Variants in ADRM1 observed in about 807,000 individuals in gnomAD.
ADRM1 encodes ADRM1 26S proteasome ubiquitin receptor, also known as proteasomal ubiquitin receptor ADRM1.
A neutral mutation model predicts 40.1 loss-of-function variants in ADRM1; 2 were observed. The observed-to-expected ratio is 0.05, with a 90% CI of 0.02 to 0.16. The LOEUF (loss-of-function observed/expected upper bound fraction) is 0.16, where lower values mean the gene tolerates loss of function less well. ADRM1 is among the 10% of genes least tolerant of loss of function. The probability of loss-of-function intolerance (pLI) is 1.00; values close to 1 mark genes in which losing one functional copy is unlikely to be tolerated. For missense variants in ADRM1, 467 were observed against 552.5 expected, an observed-to-expected ratio of 0.85 and a Z score of 1.55; for synonymous variants, 287 against 240.4, an observed-to-expected ratio of 1.19 and a Z score of -1.79.
chr20:62,303,869 C>T, intron 2 of ADRM1, 88 bp downstream of exon 2: 13 of 1,378,648 alleles, frequency 9.4e-6, no homozygotes, highest in East Asian at 2.4e-5. Flanking sequence ...GGGGCTTGGC[C>T]GCATCTGGGG....
chr20:62,303,109 C>T (rs2145994908), intron 1 of ADRM1, 60 bp downstream of exon 1: 1 of 149,706 alleles, frequency 6.7e-6, no homozygotes, highest in South Asian at 2.1e-4. Context: ...GCAGGGGCTG[C>T]TGGACCAAGG....
intron 3 of ADRM1, 144 bp downstream of exon 3, chr20:62,304,721 C>T (rs1984640727): frequency 1.3e-6 from 1 of 786,884 alleles, no homozygotes. Context: ...CACCTCAGGG[C>T]TGCGGTGCAT....
chr20:62,304,642 C>A, intron 3 of ADRM1, 65 bp downstream of exon 3: 1 of 1,495,728 alleles, frequency 6.7e-7, no homozygotes, highest in Non-Finnish European at 9.3e-7. Context: ...AACTTGCTTA[C>A]AGTGTGGTGC....
rs761193753 is a variant in ADRM1 at position 62,306,457 on chromosome 20, C to CT, written c.454+138dup. On this transcript the variant is annotated intron_variant, in intron 4 of 9. Transcript: ENST00000253003. ...AAAAGTTAGAGACCCTGTGAGCTCC[C>CT]TGGGTCACTCCCCACTCCCACCTTC... The CT allele has an allele frequency of 2.1e-6, 3 of 1,438,320 alleles. No homozygotes were observed. The Admixed American group carries it at 5.6e-5, about 27-fold the overall frequency. The allele number at this position is 1,438,320 out of a possible 1,614,324, so 89.1% of individuals were successfully genotyped here.
rs897669599 is a variant in ADRM1 at position 62,303,021 on chromosome 20, C to T, written c.-30C>T. ...GGAGGAAGAGCGAGCCCGGACGGCG[C>T]CTCTCGAACGAGTGTGGGCGCGAGG... is the stretch of plus-strand genomic sequence containing the variant. On this transcript the variant is annotated 5_prime_UTR_variant, in exon 1 of 10. Coordinates refer to ENST00000253003, the MANE Select transcript of ADRM1 (RefSeq NM_007002.4). 3 of 152,112 alleles carry T rather than the reference C, an allele frequency of 2.0e-5. No homozygotes were observed. Among genetic ancestry groups the T allele is most frequent in the African/African-American group, 4.8e-5 (2 of 41,438 alleles). 9.4% of individuals were successfully genotyped at this position (152,112 alleles called of 1,614,324 possible). A position where few individuals can be genotyped will look rare whatever the true frequency, so the allele number is the denominator to read the frequency against.
chr20:62,308,594 G>A (rs1051508268), intron 9 of ADRM1, 61 bp from the exon 10 acceptor site: 122 of 1,595,954 alleles, frequency 7.6e-5, no homozygotes, highest in African/African-American at 3.2e-4. Context: ...TGATCCCATC[G>A]CTTTGATCCC....
At chr20:62,303,478 C>G in intron 1 of ADRM1, 90 bp from the exon 2 acceptor site, 2 of 1,339,588 alleles carry the variant, frequency 1.5e-6, no homozygotes, top group South Asian at 2.8e-5. Context: ...GGCGCAGGCC[C>G]CCTGCTCGCA....
At chr20:62,303,902 A>G in intron 2 of ADRM1, 121 bp downstream of exon 2, 1 of 957,076 alleles carries the variant, frequency 1.0e-6, no homozygotes, top group Admixed American at 2.4e-5. Flanking sequence ...GCCGTCATCG[A>G]CTGCCCTGCT....
chr20:62,306,492 G>T, intron 4 of ADRM1, 156 bp from the exon 5 acceptor site: 1 of 1,305,900 alleles, frequency 7.7e-7, no homozygotes, highest in Non-Finnish European at 1.1e-6. Flanking sequence ...CACGGGGTAG[G>T]ACGGGTCTGC....
chr20:62,303,409 G>T lies in ADRM1; in HGVS notation c.-1-159G>T, dbSNP rs1459721868. The T allele has an allele frequency of 4.3e-5, 31 of 717,890 alleles. No individual in the cohort carries two copies. In the Admixed American group the frequency reaches 5.6e-4, roughly 13 times the overall value. 44.5% of individuals were successfully genotyped at this position (717,890 alleles called of 1,614,324 possible). ...CGAGTGCGGGCGGTGCGATCGTCGT[G>T]AGCGGGGCAAACGCGGAAAGGCAGC... is the stretch of plus-strand genomic sequence containing the variant. On this transcript the variant is annotated intron_variant, in intron 1 of 9. Transcript: ENST00000253003.
At chr20:62,305,214 C>T (rs902314524) in intron 3 of ADRM1, among the ~76,000 whole-genome samples, 4 of 152,292 alleles carry the variant, frequency 2.6e-5, no homozygotes, top group South Asian at 4.1e-4. Context: ...AAACTGGTGG[C>T]GGGCCTGTGG....
At chr20:62,308,228 A>AG (rs1287508004) in intron 8 of ADRM1, 50 bp downstream of exon 8, 2 of 1,563,426 alleles carry the variant, frequency 1.3e-6, no homozygotes, top group Non-Finnish European at 1.7e-6. Context: ...GGGAGTGGGC[A>AG]GGGGGGAGGA....
intron 6 of ADRM1, 43 bp from the exon 7 acceptor site, chr20:62,307,553 G>C (rs376542149): frequency 1.9e-6 from 3 of 1,600,980 alleles, no homozygotes; most frequent in East Asian, 2.2e-5. Context: ...AGGCCCTGCC[G>C]TGTGGGGCGT....
intron 1 of ADRM1, 111 bp from the exon 2 acceptor site, chr20:62,303,457 A>T: frequency 9.0e-7 from 1 of 1,113,956 alleles, no homozygotes; most frequent in Non-Finnish European, 1.3e-6. Flanking sequence ...AGTCTGCCTT[A>T]GGCAGCTCTG....
chr20:62,303,677 A>G lies in ADRM1; in HGVS notation c.109A>G (p.Thr37Ala). The G allele has an allele frequency of 1.2e-6, 2 of 1,612,448 alleles. No homozygotes were observed. The highest frequency in any genetic ancestry group is 1.7e-6 in the Non-Finnish European group (2 of 1,180,002). The change falls in exon 2 of 10, where the codon ACC (threonine) becomes GCC (alanine). Residue 37 changes from threonine (T) to alanine (A), a missense_variant. Physicochemically the swap from Thr to Ala is moderately conservative, Grantham distance 58. Transcript: ENST00000253003. ...GGGAAAGATGTCCCTGAAGGGGACCACCGTGACTCCGGATAAGCGGAAAGG... is the reference window on the plus strand; with the variant it reads ...GGGAAAGATGTCCCTGAAGGGGACCGCCGTGACTCCGGATAAGCGGAAAGG... ...RAGKMSLKGT[T>A]VTPDKRKGLV...
intron 5 of ADRM1, 102 bp from the exon 6 acceptor site, chr20:62,307,269 C>T: frequency 1.7e-6 from 2 of 1,188,334 alleles, no homozygotes; most frequent in African/African-American, 1.5e-5. Flanking sequence ...TTCTTCCTGG[C>T]TTTGGTGTTG....
chr20:62,306,530 T>C, intron 4 of ADRM1, 118 bp from the exon 5 acceptor site: 1 of 1,298,378 alleles, frequency 7.7e-7, no homozygotes, highest in African/African-American at 1.5e-5. Flanking sequence ...CTTCAAGTGG[T>C]GCCCCCTGTA....
chr20:62,306,621 G>A, intron 4 of ADRM1, 27 bp from the exon 5 acceptor site: 1 of 1,584,786 alleles, frequency 6.3e-7, no homozygotes, highest in Non-Finnish European at 8.6e-7. Context: ...GCTGGGGCAG[G>A]CCCGCCTGAG....
chr20:62,307,334 AG>A, intron 5 of ADRM1, 36 bp from the exon 6 acceptor site: 1 of 1,582,250 alleles, frequency 6.3e-7, no homozygotes. Context: ...GGTGGGCTAG[AG>A]GGCATCCTGA....
Sources: allele counts gnomAD v4.1 joint callset (sites outside exome capture counted in the v4.1 genomes callset), GRCh38; gene constraint gnomAD v4.1.1; transcripts MANE v1.5; gene names NCBI Gene and HGNC (gene_info 2026-07-23, HGNC 2026-07-21).